The following CYB5R4 variants were observed in gnomAD, a reference collection of about 807,000 sequenced individuals.
The protein encoded by CYB5R4 is N-terminal cytochrome b5 and cytochrome b5 oxidoreductase domain-containing protein.
Under a neutral mutation model 70.2 loss-of-function variants are expected in CYB5R4, and 55 were observed. The observed-to-expected ratio is 0.78, with a 90% CI of 0.63 to 0.98. The LOEUF (loss-of-function observed/expected upper bound fraction) is 0.98, where lower values mean the gene tolerates loss of function less well. Ranked by LOEUF, CYB5R4 falls within the 50% of genes least tolerant of loss-of-function variation. CYB5R4 has a pLI of 0.00. For synonymous variants in CYB5R4, 197 were observed against 199.5 expected, an observed-to-expected ratio of 0.99 and a Z score of 0.11; for missense variants, 562 against 612.6, an observed-to-expected ratio of 0.92 and a Z score of 0.87.
chr6:83,898,514 G>C (rs561161797), intron 3 of CYB5R4, among the ~76,000 whole-genome samples: 1 of 152,304 alleles, frequency 6.6e-6, no homozygotes, highest in Admixed American at 6.5e-5. Context: ...GTCATTGGTA[G>C]CTTGATGGGG....
chr6:83,915,326 T>C (rs183614288), intron 5 of CYB5R4, among the ~76,000 whole-genome samples: 16 of 152,330 alleles, frequency 1.1e-4, no homozygotes, highest in African/African-American at 2.6e-4. Context: ...ACAAGCTAGA[T>C]TGCCAGATGA....
Position 83,940,137 on chromosome 6 carries a change from C to T in CYB5R4, c.1190C>T (p.Ala397Val), listed in dbSNP as rs2099469527. ...GAATTAGAAGATCTCTTTTTGTTGG[C>T]AGCTGGAACAGGCTTCACACCAATG... The part of the protein sequence containing the change: ...FQELEDLFLL[A>V]AGTGFTPMVK... Residue 397 changes from alanine to valine, a missense_variant, in exon 13 of 16, where the codon GCA becomes GTA. Coordinates refer to ENST00000369681, the MANE Select transcript of CYB5R4 (RefSeq NM_016230.4). 1 of 1,611,702 alleles carries T rather than the reference C, an allele frequency of 6.2e-7. No homozygotes were observed. The highest frequency in any genetic ancestry group is 1.3e-5 in the African/African-American group (1 of 74,736).
At position 83,940,433 on chromosome 6, in the gene CYB5R4, C is replaced by G. The variant is rs185158490; in HGVS notation, c.1260-82C>G. 19 of 1,317,448 alleles carry G rather than the reference C, an allele frequency of 1.4e-5. No individual in the cohort carries two copies. The East Asian group carries it at 4.7e-4, about 33-fold the overall frequency. The allele number at this position is 1,317,448 out of a possible 1,614,324, so 81.6% of individuals were successfully genotyped here. On this transcript the variant is annotated intron_variant, in intron 13 of 15. Transcript: ENST00000369681. ...CCTACTGGGCACTAAAACATTCACA[C>G]TGGTTCACTTTAGACTTTCCATTTG...
chr6:83,905,162 C>T (rs1762545359), intron 3 of CYB5R4, among the ~76,000 whole-genome samples: 1 of 152,184 alleles, frequency 6.6e-6, no homozygotes, highest in African/African-American at 2.4e-5. Context: ...TCAAGAGATT[C>T]TCCTGCCTCA....
At chr6:83,924,348 A>G (rs985618118) in intron 9 of CYB5R4, 122 bp from the exon 10 acceptor site, 19 of 897,426 alleles carry the variant, frequency 2.1e-5, no homozygotes, top group Middle Eastern at 7.4e-4. Flanking sequence ...TATTTATCCC[A>G]CTAATAATCA....
rs935678341 is a variant in CYB5R4, at chr6:83,883,312, T to C, written c.230-10210T>C. Reference sequence around the variant, plus strand: ...AATGAAAGAATGGGGCAGAAAAATATTTGAAGAAATAGTGGCCATATATTT... The same window carrying C: ...AATGAAAGAATGGGGCAGAAAAATACTTGAAGAAATAGTGGCCATATATTT... On this transcript the variant is annotated intron_variant, in intron 2 of 15. Transcript: ENST00000369681. Among the ~76,000 whole-genome samples, 6 of 152,148 alleles carry C rather than the reference T, an allele frequency of 3.9e-5. No homozygotes were observed. The South Asian group carries it at 6.2e-4, about 16-fold the overall frequency.
Position 83,936,299 on chromosome 6 carries a change from A to G in CYB5R4, c.1031A>G (p.Asn344Ser). 6.2e-7 allele frequency: 1 copy of G among 1,612,612 alleles called. No homozygotes were observed. Among genetic ancestry groups the G allele is most frequent in the Non-Finnish European group, 8.5e-7 (1 of 1,178,968 alleles). The change falls in exon 12 of 16, where the codon AAC becomes AGC. Residue 344 changes from asparagine to serine, a missense_variant. Asn to Ser is a conservative substitution (Grantham distance 46). Transcript: ENST00000369681. ...GAGTTCAAGGAACCAGTTCTTCCCA[A>G]CAATAAATACATCTACTTTTTGATA... ...LSEFKEPVLPNNKYIYFLIKI... is the reference protein window; with the variant it reads ...LSEFKEPVLPSNKYIYFLIKI...
intron 3 of CYB5R4, among the ~76,000 whole-genome samples, chr6:83,900,771 C>T (rs2099462795): frequency 6.6e-6 from 1 of 152,174 alleles, no homozygotes; most frequent in African/African-American, 2.4e-5. Flanking sequence ...TCTGTTTCAT[C>T]AGAGACTAGG....
chr6:83,932,006 T>C (rs900331597), intron 10 of CYB5R4, among the ~76,000 whole-genome samples: 50 of 141,684 alleles, frequency 3.5e-4, no homozygotes, highest in African/African-American at 1.3e-3. Context: ...TGTGTCCAAG[T>C]GTTCTCATTG....
chr6:83,909,521 AG>A, intron 4 of CYB5R4, among the ~76,000 whole-genome samples: 1 of 152,278 alleles, frequency 6.6e-6, no homozygotes, highest in African/African-American at 2.4e-5. Flanking sequence ...CTTCTTCTAA[AG>A]TATAACCAGT....
intron 12 of CYB5R4, 123 bp from the exon 13 acceptor site, chr6:83,939,933 T>C (rs547083047): frequency 1.9e-5 from 12 of 640,932 alleles, no homozygotes; most frequent in Non-Finnish European, 2.4e-5. Context: ...AGTTAAGTAT[T>C]TATACTGTTA....
chr6:83,963,340 G>T lies in CYB5R4; in HGVS notation c.*3462G>T, dbSNP rs1360564548. ...CAAAAGAGTCAACTTCATTATGCTG[G>T]CAAAGGCATGGGTACAACCTGCTCT... On this transcript the variant is annotated 3_prime_UTR_variant, in exon 16 of 16. Coordinates refer to ENST00000369681, the MANE Select transcript of CYB5R4 (RefSeq NM_016230.4). 6.6e-6 allele frequency: 1 copy of T among 152,194 alleles called. No individual in the cohort carries two copies. Among genetic ancestry groups the T allele is most frequent in the African/African-American group, 2.4e-5 (1 of 41,442 alleles). 9.4% of individuals were successfully genotyped at this position (152,194 alleles called of 1,614,324 possible). A position where few individuals can be genotyped will look rare whatever the true frequency, so the allele number is the denominator to read the frequency against.
intron 2 of CYB5R4, among the ~76,000 whole-genome samples, chr6:83,865,308 T>C (rs1026421660): frequency 1.3e-5 from 2 of 152,200 alleles, no homozygotes; most frequent in African/African-American, 4.8e-5. Flanking sequence ...AAATGCTGTA[T>C]TAATTTCCTA....
At chr6:83,888,541 A>C (rs957509395) in intron 2 of CYB5R4, among the ~76,000 whole-genome samples, 2 of 152,122 alleles carry the variant, frequency 1.3e-5, no homozygotes, top group African/African-American at 4.8e-5. Context: ...GAGTGCCACA[A>C]ATCGAGCCCA....
chr6:83,926,993 G>A (rs2099467392), intron 10 of CYB5R4, among the ~76,000 whole-genome samples: 1 of 152,074 alleles, frequency 6.6e-6, no homozygotes, highest in South Asian at 2.1e-4. Flanking sequence ...TCTGTCTTGG[G>A]TCTGTTGAGT....
chr6:83,895,899 G>C (rs563162510), intron 3 of CYB5R4, among the ~76,000 whole-genome samples: 21 of 152,208 alleles, frequency 1.4e-4, no homozygotes, highest in African/African-American at 5.1e-4. Flanking sequence ...CAGTATTTTA[G>C]CTGCACAAAT....
intron 2 of CYB5R4, among the ~76,000 whole-genome samples, chr6:83,877,313 A>G (rs1185939238): frequency 6.6e-6 from 1 of 152,198 alleles, no homozygotes; most frequent in Non-Finnish European, 1.5e-5. Flanking sequence ...TGCATAGATG[A>G]GAACTCTACC....
chr6:83,907,087 C>CT (rs1312968545), intron 3 of CYB5R4, among the ~76,000 whole-genome samples: 1 of 151,682 alleles, frequency 6.6e-6, no homozygotes. Context: ...TTTTTAAGTC[C>CT]TTTTTTTTCA....
At chr6:83,879,835 G>A (rs188414430) in intron 2 of CYB5R4, among the ~76,000 whole-genome samples, 19 of 152,298 alleles carry the variant, frequency 1.2e-4, no homozygotes, top group African/African-American at 4.1e-4. Context: ...GCTCTAGTGC[G>A]CACTTGGCCC....
Sources: gnomAD v4.1 joint callset for allele counts (sites outside exome capture counted in the v4.1 genomes callset) on GRCh38, gnomAD v4.1.1 for gene constraint, MANE v1.5 for transcripts, NCBI Gene and HGNC (gene_info 2026-07-23, HGNC 2026-07-21) for gene names.